Variants in PRKN observed in about 807,000 individuals in gnomAD.
PRKN encodes parkin RBR E3 ubiquitin protein ligase.
PRKN carries 56 observed loss-of-function variants against 59.5 expected under a neutral mutation model. That is an observed-to-expected ratio of 0.94 (90% CI 0.76 to 1.18). PRKN has a LOEUF of 1.18. PRKN is among the 50% of genes most tolerant of loss of function. PRKN has a pLI of 0.00. For missense variants in PRKN, 657 were observed against 596.4 expected, an observed-to-expected ratio of 1.10 and a Z score of -1.06; for synonymous variants, 250 against 222.1, an observed-to-expected ratio of 1.13 and a Z score of -1.12.
At chr6:162,094,490 TAAAC>T (rs1779647724) in intron 4 of PRKN, among the ~76,000 whole-genome samples, 3 of 152,032 alleles carry the variant, frequency 2.0e-5, no homozygotes, top group African/African-American at 7.2e-5. Context: ...TCTTAGGAAA[TAAAC>T]AAATAAAGTA....
intron 7 of PRKN, among the ~76,000 whole-genome samples, chr6:161,661,999 G>A (rs1435248723): frequency 3.9e-5 from 6 of 151,984 alleles, no homozygotes; most frequent in African/African-American, 1.5e-4. Context: ...CTCCAGCCTG[G>A]GCAACAGAGC....
At chr6:161,716,663 T>C (rs1229968850) in intron 7 of PRKN, among the ~76,000 whole-genome samples, 2 of 152,118 alleles carry the variant, frequency 1.3e-5, no homozygotes, top group African/African-American at 2.4e-5. Flanking sequence ...TTCACTGAGG[T>C]TGGGCAGACA....
intron 1 of PRKN, among the ~76,000 whole-genome samples, chr6:162,691,407 T>C (rs1167751325): frequency 1.3e-5 from 2 of 152,072 alleles, no homozygotes; most frequent in Non-Finnish European, 2.9e-5. Flanking sequence ...TGTCAGAAAA[T>C]GCCAACTTTT....
At chr6:162,054,249 AT>A in intron 4 of PRKN, 75 bp from the exon 5 acceptor site, 3 of 905,004 alleles carry the variant, frequency 3.3e-6, no homozygotes, top group Non-Finnish European at 3.6e-6. Flanking sequence ...GTTTCCACTT[AT>A]GTTATAAAAT....
At chr6:162,348,822 G>T (rs1276778100) in intron 2 of PRKN, among the ~76,000 whole-genome samples, 1 of 151,958 alleles carries the variant, frequency 6.6e-6, no homozygotes, top group African/African-American at 2.4e-5. Flanking sequence ...AAGAGAGACA[G>T]AAATTCTAAA....
chr6:162,338,558 A>G (rs1583404965), intron 2 of PRKN, among the ~76,000 whole-genome samples: 2 of 152,042 alleles, frequency 1.3e-5, no homozygotes, highest in African/African-American at 2.4e-5. Flanking sequence ...TCAGTGCTCA[A>G]TGGTGCCCAG....
At chr6:162,468,934 T>C (rs1275695881) in intron 1 of PRKN, among the ~76,000 whole-genome samples, 1 of 151,880 alleles carries the variant, frequency 6.6e-6, no homozygotes, top group Non-Finnish European at 1.5e-5. Context: ...CAAGAGATGA[T>C]AGGTATCTCA....
chr6:162,719,145 C>A (rs1049553778), intron 1 of PRKN, among the ~76,000 whole-genome samples: 1 of 152,154 alleles, frequency 6.6e-6, no homozygotes, highest in African/African-American at 2.4e-5. Flanking sequence ...AAATTGACTG[C>A]CCAATAAAAC....
At chr6:162,682,423 T>C (rs1031736723) in intron 1 of PRKN, among the ~76,000 whole-genome samples, 4 of 152,040 alleles carry the variant, frequency 2.6e-5, no homozygotes, top group Non-Finnish European at 4.4e-5. Flanking sequence ...TATGCAGCCA[T>C]AAAAAAGAAT....
intron 6 of PRKN, among the ~76,000 whole-genome samples, chr6:161,917,891 C>A (rs1366591671): frequency 6.6e-6 from 1 of 152,178 alleles, no homozygotes; most frequent in African/African-American, 2.4e-5. Context: ...GATCATGTCA[C>A]CCTTGGAAGA....
At chr6:161,863,484 T>C (rs1793989800) in intron 6 of PRKN, among the ~76,000 whole-genome samples, 1 of 152,250 alleles carries the variant, frequency 6.6e-6, no homozygotes, top group African/African-American at 2.4e-5. Context: ...CCTGTGTGTG[T>C]ACTGTACAAC....
At chr6:161,537,585 G>T (rs906412487) in intron 9 of PRKN, among the ~76,000 whole-genome samples, 34 of 151,896 alleles carry the variant, frequency 2.2e-4, no homozygotes, top group Admixed American at 7.9e-4. Flanking sequence ...CGGAGTAGCT[G>T]GGACTACAGG....
intron 1 of PRKN, among the ~76,000 whole-genome samples, chr6:162,549,169 G>A (rs1398023760): frequency 6.6e-6 from 1 of 152,064 alleles, no homozygotes; most frequent in African/African-American, 2.4e-5. Context: ...TCAGTGTGAG[G>A]ACACCCCCAG....
At chr6:161,708,368 T>A (rs189478088) in intron 7 of PRKN, among the ~76,000 whole-genome samples, 2 of 152,084 alleles carry the variant, frequency 1.3e-5, no homozygotes, top group African/African-American at 4.8e-5. Context: ...ATCCAAAATA[T>A]TGTAAATATT....
chr6:162,602,257 G>C (rs147463248), intron 1 of PRKN, among the ~76,000 whole-genome samples: 1 of 152,176 alleles, frequency 6.6e-6, no homozygotes, highest in African/African-American at 2.4e-5. Flanking sequence ...GGAGAGAAGA[G>C]AGAAGAGAAG....
At chr6:162,552,285 G>A (rs1779360908) in intron 1 of PRKN, among the ~76,000 whole-genome samples, 1 of 152,054 alleles carries the variant, frequency 6.6e-6, no homozygotes, top group Admixed American at 6.6e-5. Context: ...GCAATGTAGG[G>A]GGAAAAAACG....
intron 1 of PRKN, among the ~76,000 whole-genome samples, chr6:162,589,342 C>T (rs188772402): frequency 3.9e-4 from 59 of 151,994 alleles, no homozygotes; most frequent in Non-Finnish European, 7.4e-4. Context: ...AAAAATGTTA[C>T]AAGAAATTTA....
At chr6:162,217,049 T>G (rs1361146290) in intron 3 of PRKN, among the ~76,000 whole-genome samples, 1 of 152,156 alleles carries the variant, frequency 6.6e-6, no homozygotes, top group Non-Finnish European at 1.5e-5. Flanking sequence ...TACAGACAAA[T>G]ATAGTATCCT....
chr6:162,407,042 G>T (rs2128152728), intron 2 of PRKN, among the ~76,000 whole-genome samples: 1 of 152,166 alleles, frequency 6.6e-6, no homozygotes, highest in Admixed American at 6.5e-5. Flanking sequence ...TAGATCATGT[G>T]ATCTAAACGA....
Sources: allele counts gnomAD v4.1 joint callset (sites outside exome capture counted in the v4.1 genomes callset), GRCh38; gene constraint gnomAD v4.1.1; transcripts MANE v1.5; gene names NCBI Gene and HGNC (gene_info 2026-07-23, HGNC 2026-07-21).